The following PADI4 variants were observed in gnomAD, a reference collection of about 807,000 sequenced individuals.
PADI4 encodes peptidyl arginine deiminase 4, also known as protein-arginine deiminase type-4.
PADI4 carries 62 observed loss-of-function variants against 75.0 expected under a neutral mutation model. That is an observed-to-expected ratio of 0.83 (90% CI 0.67 to 1.02). The LOEUF is 1.02. Ranked by LOEUF, PADI4 falls within the 50% of genes least tolerant of loss-of-function variation. PADI4 has a pLI of 0.00. For synonymous variants in PADI4, 361 were observed against 348.1 expected (o/e 1.04, Z -0.41); for missense variants, 845 against 850.5 (o/e 0.99, Z 0.08).
intron 10 of PADI4, among the ~76,000 whole-genome samples, chr1:17,354,287 G>A (rs372254037): frequency 5.3e-4 from 81 of 152,238 alleles, no homozygotes; most frequent in African/African-American, 1.9e-3. Flanking sequence ...TTATGCCCAA[G>A]TTAAGGTTTA....
intron 6 of PADI4, among the ~76,000 whole-genome samples, chr1:17,341,232 G>A (rs997807420): frequency 6.6e-6 from 1 of 151,784 alleles, no homozygotes; most frequent in African/African-American, 2.4e-5. Flanking sequence ...CCGAGTAGCT[G>A]TGATTATAGG....
intron 6 of PADI4, among the ~76,000 whole-genome samples, chr1:17,341,394 C>T (rs1008005485): frequency 3.3e-5 from 5 of 152,156 alleles, no homozygotes; most frequent in African/African-American, 4.8e-5. Context: ...CCACCACACC[C>T]GGCCTGTTTC....
chr1:17,333,981 C>A lies in PADI4; in HGVS notation c.312C>A (p.Val104=), dbSNP rs1338407370. ...ACTACGGACCCAAGACTCCACCAGT[C>A]AAAGCTCTACTCTACCTCACCGGGG... The part of the protein sequence containing the change: ...ISYYGPKTPP[V]KALLYLTGVE... Residue 104 remains valine, a synonymous_variant, in exon 3 of 16, where the codon GTC becomes GTA. Coordinates refer to ENST00000375448, the MANE Select transcript of PADI4 (RefSeq NM_012387.3). The A allele has an allele frequency of 6.2e-7, 1 of 1,612,874 alleles. No homozygotes were observed. The highest frequency in any genetic ancestry group is 1.1e-5 in the South Asian group (1 of 91,044).
At chr1:17,359,195 AG>A (rs2074810958) in intron 14 of PADI4, 84 bp from the exon 15 acceptor site, 2 of 988,802 alleles carry the variant, frequency 2.0e-6, no homozygotes, top group African/African-American at 1.6e-5. Flanking sequence ...ACCCTCCGGC[AG>A]GGGGCCTCAG....
Position 17,341,930 on chromosome 1 carries a change from G to A in PADI4, c.653-13G>A. 6.2e-7 allele frequency: 1 copy of A among 1,609,404 alleles called. No homozygotes were observed. Among genetic ancestry groups the A allele is most frequent in the East Asian group, 2.2e-5 (1 of 44,746 alleles). ...GGGGACGCAGACCTGAGTCTCCCCT[G>A]CCTCTCTCCTAGGGGGCAAACTGTC... On this transcript the variant is annotated splice_polypyrimidine_tract_variant and intron_variant, in intron 6 of 15. Coordinates refer to ENST00000375448, the MANE Select transcript of PADI4 (RefSeq NM_012387.3).
rs79175896 is a variant in PADI4 at position 17,352,019 on chromosome 1, G to C, written c.1156-2514G>C. Among the ~76,000 whole-genome samples the C allele has an allele frequency of 3.7e-3, 57 of 15,210 alleles. 3 individuals carry two copies. The highest frequency in any genetic ancestry group is 0.017 in the African/African-American group (52 of 3,048). The allele number at this position is 15,210 out of a possible 152,430, so 10.0% of individuals were successfully genotyped here. A position where few individuals can be genotyped will look rare whatever the true frequency, so the allele number is the denominator to read the frequency against. ...TCAGGGAGGTGATGGGAGGAGAGGCGGCCAGGGAGGTGATGGGAGGAGAGG... is the reference window on the plus strand; with the variant it reads ...TCAGGGAGGTGATGGGAGGAGAGGCCGCCAGGGAGGTGATGGGAGGAGAGG... On this transcript the variant is annotated intron_variant, in intron 10 of 15. Transcript: ENST00000375448.
At chr1:17,319,155 C>A (rs572056128) in intron 1 of PADI4, among the ~76,000 whole-genome samples, 2 of 152,292 alleles carry the variant, frequency 1.3e-5, no homozygotes, top group African/African-American at 4.8e-5. Context: ...CCCCTTGCTT[C>A]TTCCTTTTTC....
chr1:17,313,637 ATTTAT>A (rs1378698039), intron 1 of PADI4, among the ~76,000 whole-genome samples: 3 of 151,674 alleles, frequency 2.0e-5, no homozygotes, highest in South Asian at 4.2e-4. Flanking sequence ...GGGTCCTGAG[ATTTAT>A]TTTCCTTTGA....
chr1:17,341,126 GTCTC>G (rs1313663361), intron 6 of PADI4, among the ~76,000 whole-genome samples: 2 of 140,206 alleles, frequency 1.4e-5, no homozygotes, highest in African/African-American at 5.4e-5. Flanking sequence ...TTGAGATGGA[GTCTC>G]TCTCTGTCGC....
Position 17,363,817 on chromosome 1 carries a change from G to A in PADI4, c.*62G>A, listed in dbSNP as rs2074882713. The A allele has an allele frequency of 2.6e-6, 3 of 1,157,492 alleles. No homozygotes were observed. The highest frequency in any genetic ancestry group is 1.3e-5 in the South Asian group (1 of 76,344). 71.7% of individuals were successfully genotyped at this position (1,157,492 alleles called of 1,614,324 possible). On this transcript the variant is annotated 3_prime_UTR_variant, in exon 16 of 16. Coordinates refer to ENST00000375448, the MANE Select transcript of PADI4 (RefSeq NM_012387.3). ...ATGTCGCTGGGTCCTCTGCAGTGTG[G>A]CAAGCAAGAGCTCTTGTGAATATTG...
chr1:17,354,787 G>A (rs2074732022), intron 11 of PADI4, 100 bp downstream of exon 11: 2 of 1,134,712 alleles, frequency 1.8e-6, no homozygotes, highest in Admixed American at 2.8e-5. Flanking sequence ...TCCGATTCTA[G>A]ACAGCCCAAC....
Position 17,308,326 on chromosome 1 carries a change from G to T in PADI4, c.92+12G>T. ...CTTGACATCTGCAGGTAAGAGGGGG[G>T]CCTTCTGGGGTTTTGGAGGCAGGTC... is the stretch of plus-strand genomic sequence containing the variant. On this transcript the variant is annotated intron_variant, in intron 1 of 15. Coordinates refer to ENST00000375448, the MANE Select transcript of PADI4 (RefSeq NM_012387.3). The T allele has an allele frequency of 6.2e-7, 1 of 1,607,834 alleles. No individual in the cohort carries two copies. Among genetic ancestry groups the T allele is most frequent in the Non-Finnish European group, 8.5e-7 (1 of 1,174,568 alleles).
In PADI4 at chr1:17,318,991, T is replaced by C. The variant is rs2073989623; in HGVS notation, c.92+10677T>C. On this transcript the variant is annotated intron_variant, in intron 1 of 15. Coordinates refer to ENST00000375448, the MANE Select transcript of PADI4 (RefSeq NM_012387.3). ...GCGGGAGCCACTGCGCCCAGCCTTTTTTTTTCCTTTTTGTGGAGACAGGGT... is the reference window on the plus strand; with the variant it reads ...GCGGGAGCCACTGCGCCCAGCCTTTCTTTTTCCTTTTTGTGGAGACAGGGT... Among the ~76,000 whole-genome samples the C allele has an allele frequency of 2.0e-5, 3 of 151,778 alleles. No homozygotes were observed. The South Asian group carries it at 6.2e-4, about 32-fold the overall frequency.
intron 8 of PADI4, among the ~76,000 whole-genome samples, chr1:17,345,358 G>A (rs1415775080): frequency 2.0e-5 from 3 of 152,212 alleles, no homozygotes; most frequent in South Asian, 2.1e-4. Flanking sequence ...ATTTTGGATT[G>A]TGAACTTTTG....
chr1:17,336,403 A>C (rs764493418), intron 4 of PADI4, among the ~76,000 whole-genome samples, 177 bp downstream of exon 4: 1 of 152,244 alleles, frequency 6.6e-6, no homozygotes, highest in Non-Finnish European at 1.5e-5. Context: ...TCTATTTTAC[A>C]AAATCAGAAT....
chr1:17,312,623 A>G (rs1221533903), intron 1 of PADI4, among the ~76,000 whole-genome samples: 1 of 152,196 alleles, frequency 6.6e-6, no homozygotes, highest in East Asian at 1.9e-4. Flanking sequence ...CCTTGAGCTC[A>G]GGGAATCTAT....
chr1:17,342,611 A>T (rs1160571519), intron 8 of PADI4, among the ~76,000 whole-genome samples: 1 of 151,490 alleles, frequency 6.6e-6, no homozygotes, highest in Non-Finnish European at 1.5e-5. Context: ...GGCTACGTTA[A>T]CTCCCAGGGG....
In PADI4 at chr1:17,318,581, G is replaced by A. The variant is rs143686471; in HGVS notation, c.92+10267G>A. 5.5e-3 allele frequency among the ~76,000 whole-genome samples: 841 copies of A among 152,196 alleles called. 10 individuals carry two copies. The highest frequency in any genetic ancestry group is 0.019 in the African/African-American group (805 of 41,512). Reference sequence around the variant, plus strand: ...ACCTGACTGCTGAGTGTGTCTTAATGTCTTGATCAGACTTCCTGTGACTTT... The same window carrying A: ...ACCTGACTGCTGAGTGTGTCTTAATATCTTGATCAGACTTCCTGTGACTTT... On this transcript the variant is annotated intron_variant, in intron 1 of 15. Transcript: ENST00000375448.
intron 1 of PADI4, 50 bp downstream of exon 1, chr1:17,308,364 A>G (rs754068263): frequency 1.1e-5 from 16 of 1,407,760 alleles, no homozygotes; most frequent in African/African-American, 1.4e-5. Context: ...GAGATGCTGG[A>G]TGACCCAGTT....
Sources: gnomAD v4.1 joint callset for allele counts (sites outside exome capture counted in the v4.1 genomes callset) on GRCh38, gnomAD v4.1.1 for gene constraint, MANE v1.5 for transcripts, NCBI Gene and HGNC (gene_info 2026-07-23, HGNC 2026-07-21) for gene names.